The following CBFB variants were observed in gnomAD, a reference collection of about 807,000 sequenced individuals.
CBFB encodes the protein core-binding factor subunit beta.
CBFB carries 9 observed loss-of-function variants against 30.4 expected under a neutral mutation model. That is an observed-to-expected ratio of 0.30 (90% CI 0.18 to 0.52). The LOEUF (loss-of-function observed/expected upper bound fraction) is 0.52, where lower values mean the gene tolerates loss of function less well. Ranked by LOEUF, CBFB falls within the 20% of genes least tolerant of loss-of-function variation. CBFB has a pLI of 0.97. For missense variants in CBFB, 170 were observed against 244.0 expected, an observed-to-expected ratio of 0.70 and a Z score of 2.02; for synonymous variants, 94 against 84.0, an observed-to-expected ratio of 1.12 and a Z score of -0.65.
chr16:67,051,950 C>CAT (rs1960562941), intron 3 of CBFB, among the ~76,000 whole-genome samples: 1 of 150,412 alleles, frequency 6.6e-6, no homozygotes, highest in African/African-American at 2.5e-5. Context: ...CACACGCATA[C>CAT]ATATATATAG....
At chr16:67,066,484 C>T (rs1597144541) in intron 3 of CBFB, among the ~76,000 whole-genome samples, 198 bp from the exon 4 acceptor site, 1 of 151,808 alleles carries the variant, frequency 6.6e-6, no homozygotes, top group East Asian at 1.9e-4. Context: ...TGCTTGAACC[C>T]GGGAGGCAGA....
chr16:67,030,442 C>T (rs1278803178), intron 2 of CBFB, among the ~76,000 whole-genome samples: 1 of 151,822 alleles, frequency 6.6e-6, no homozygotes, highest in Admixed American at 6.6e-5. Context: ...CGGTTGATCT[C>T]GAGGTCCTTG....
chr16:67,056,369 A>G (rs1359807749), intron 3 of CBFB, among the ~76,000 whole-genome samples: 1 of 152,240 alleles, frequency 6.6e-6, no homozygotes, highest in Non-Finnish European at 1.5e-5. Flanking sequence ...AGAAGCATAC[A>G]TAAAACAAAA....
intron 3 of CBFB, among the ~76,000 whole-genome samples, chr16:67,039,646 T>G (rs1396352745): frequency 7.2e-6 from 1 of 138,398 alleles, no homozygotes; most frequent in Non-Finnish European, 1.5e-5. Context: ...TGTTTTTAAT[T>G]CTATTAGGAA....
chr16:67,048,266 C>G (rs540214498), intron 3 of CBFB, among the ~76,000 whole-genome samples: 9 of 151,822 alleles, frequency 5.9e-5, no homozygotes, highest in Non-Finnish European at 1.0e-4. Flanking sequence ...ACAAAAAAAA[C>G]CCCTAAAACA....
intron 3 of CBFB, among the ~76,000 whole-genome samples, chr16:67,065,147 A>G (rs750271393): frequency 2.0e-5 from 3 of 152,062 alleles, no homozygotes; most frequent in Non-Finnish European, 2.9e-5. Context: ...GATCCGCCCA[A>G]CTTGGCCTCC....
chr16:67,032,095 A>G (rs969234665), intron 2 of CBFB, among the ~76,000 whole-genome samples: 2 of 152,176 alleles, frequency 1.3e-5, no homozygotes, highest in African/African-American at 4.8e-5. Flanking sequence ...ACTTTGCTGA[A>G]TGGAATTATG....
intron 5 of CBFB, among the ~76,000 whole-genome samples, chr16:67,095,626 G>C (rs1182363129): frequency 1.3e-5 from 2 of 151,254 alleles, no homozygotes; most frequent in African/African-American, 4.9e-5. Flanking sequence ...GCTGTAGGGT[G>C]CTATGTTTGT....
At chr16:67,052,014 C>T (rs1010717823) in intron 3 of CBFB, among the ~76,000 whole-genome samples, 1 of 151,816 alleles carries the variant, frequency 6.6e-6, no homozygotes, top group East Asian at 1.9e-4. Flanking sequence ...GTCACCCAAG[C>T]TGGAGTGCCG....
intron 3 of CBFB, among the ~76,000 whole-genome samples, chr16:67,040,912 C>G (rs1011896388): frequency 1.4e-4 from 22 of 152,042 alleles, no homozygotes; most frequent in Admixed American, 2.0e-4. Context: ...AGGAAACAGC[C>G]ATTATAAAGG....
chr16:67,055,502 C>T (rs558104725), intron 3 of CBFB, among the ~76,000 whole-genome samples: 35 of 151,534 alleles, frequency 2.3e-4, no homozygotes, highest in African/African-American at 8.0e-4. Flanking sequence ...AGTAGGTGCC[C>T]GCCACCACGC....
intron 4 of CBFB, among the ~76,000 whole-genome samples, chr16:67,074,428 G>A (rs1961327405): frequency 6.6e-6 from 1 of 151,012 alleles, no homozygotes; most frequent in Admixed American, 6.6e-5. Context: ...CTGTCACCAG[G>A]CTGGAGTGCA....
chr16:67,060,902 C>G (rs1409308834), intron 3 of CBFB, among the ~76,000 whole-genome samples: 1 of 152,142 alleles, frequency 6.6e-6, no homozygotes, highest in African/African-American at 2.4e-5. Context: ...TAGCTTCATT[C>G]ACTTAGTATT....
intron 3 of CBFB, among the ~76,000 whole-genome samples, chr16:67,050,745 A>G (rs1332839262): frequency 1.3e-5 from 2 of 152,102 alleles, no homozygotes; most frequent in Non-Finnish European, 2.9e-5. Context: ...GTGAACTATG[A>G]TTGAGCCATG....
intron 3 of CBFB, among the ~76,000 whole-genome samples, chr16:67,053,652 C>G (rs1004430760): frequency 1.3e-5 from 2 of 151,816 alleles, no homozygotes; most frequent in Non-Finnish European, 2.9e-5. Context: ...TTTAGAGCCT[C>G]CCTGGGGAAG....
chr16:67,047,358 A>C (rs1237829351), intron 3 of CBFB, among the ~76,000 whole-genome samples: 1 of 152,186 alleles, frequency 6.6e-6, no homozygotes, highest in African/African-American at 2.4e-5. Flanking sequence ...TAAGAGGGAA[A>C]GGGCTGAGTC....
At chr16:67,047,874 G>C (rs982545921) in intron 3 of CBFB, among the ~76,000 whole-genome samples, 3 of 152,050 alleles carry the variant, frequency 2.0e-5, no homozygotes, top group African/African-American at 7.2e-5. Flanking sequence ...TTCAAGACTA[G>C]CGTGGCCAGC....
At position 67,029,458 on chromosome 16, in the gene CBFB, T is replaced by A; in HGVS notation, c.51T>A (p.Phe17Leu). The A allele has an allele frequency of 6.3e-7, 1 of 1,590,886 alleles. No homozygotes were observed. The highest frequency in any genetic ancestry group is 1.1e-5 in the South Asian group (1 of 88,236). Reference sequence around the variant, plus strand: ...GAAGCAAGTTCGAGAACGAGGAGTTTTTTAGGAAGCTGAGCCGCGAGTGTG... The same window carrying A: ...GAAGCAAGTTCGAGAACGAGGAGTTATTTAGGAAGCTGAGCCGCGAGTGTG... ...DQRSKFENEEFFRKLSRECEI... is the reference protein window; with the variant it reads ...DQRSKFENEELFRKLSRECEI... The change falls in exon 1 of 6, where the codon TTT (phenylalanine) becomes TTA (leucine). Residue 17 changes from phenylalanine to leucine, a missense_variant. Physicochemically the swap from Phe to Leu is conservative, Grantham distance 22. Transcript: ENST00000412916.
Position 67,098,953 on chromosome 16 carries a change from A to G in CBFB, c.*175A>G, listed in dbSNP as rs1962139946. On this transcript the variant is annotated 3_prime_UTR_variant, in exon 6 of 6. Coordinates refer to ENST00000412916, the MANE Select transcript of CBFB (RefSeq NM_022845.3). ...GCCATGGTTTTGCACTATGATTATA[A>G]TACCTGCATTTCTAATTTTTTAAGC... 2.1e-6 allele frequency: 1 copy of G among 467,746 alleles called. No individual in the cohort carries two copies. Among genetic ancestry groups the G allele is most frequent in the Admixed American group, 4.0e-5 (1 of 25,212 alleles). The allele number at this position is 467,746 out of a possible 1,614,324, so 29.0% of individuals were successfully genotyped here. A position where few individuals can be genotyped will look rare whatever the true frequency, so the allele number is the denominator to read the frequency against.
Sources: gnomAD v4.1 joint callset for allele counts (sites outside exome capture counted in the v4.1 genomes callset) on GRCh38, gnomAD v4.1.1 for gene constraint, MANE v1.5 for transcripts, NCBI Gene and HGNC (gene_info 2026-07-23, HGNC 2026-07-21) for gene names.